The following TWSG1 variants were observed in gnomAD, a reference collection of about 807,000 sequenced individuals.
TWSG1 encodes the protein twisted gastrulation BMP signaling modulator 1, also known as twisted gastrulation protein homolog 1.
Under a neutral mutation model 23.0 loss-of-function variants are expected in TWSG1, and 15 were observed. That is an observed-to-expected ratio of 0.65 (90% confidence interval 0.44 to 1.00). The LOEUF (loss-of-function observed/expected upper bound fraction) is 1.00. Among genes scored for constraint, TWSG1 ranks in the 50% least tolerant of loss-of-function variants. The probability of loss-of-function intolerance (pLI) is 0.00; values close to 1 mark genes in which losing one functional copy is unlikely to be tolerated. For synonymous variants in TWSG1, 86 were observed against 92.8 expected (o/e 0.93, Z 0.42); for missense variants, 242 against 278.7 (o/e 0.87, Z 0.94).
At chr18:9,364,676 C>T (rs2040569276) in intron 3 of TWSG1, among the ~76,000 whole-genome samples, 1 of 151,936 alleles carries the variant, frequency 6.6e-6, no homozygotes, top group Admixed American at 6.6e-5. Context: ...CACCTGTAAT[C>T]CCAGCGACAA....
intron 2 of TWSG1, among the ~76,000 whole-genome samples, chr18:9,354,004 T>C (rs1568032783): frequency 6.6e-6 from 1 of 152,206 alleles, no homozygotes; most frequent in African/African-American, 2.4e-5. Flanking sequence ...TAATAATGCC[T>C]TTGATTAAAC....
chr18:9,334,869 C>G lies in TWSG1; in HGVS notation c.-89C>G, dbSNP rs2040413572. On this transcript the variant is annotated 5_prime_UTR_variant, in exon 1 of 5. Coordinates refer to ENST00000262120, the MANE Select transcript of TWSG1 (RefSeq NM_020648.6). This position sits in a 1 kb window ranked among gnomAD's most constrained non-coding sequence, Gnocchi z 4.7. Reference sequence around the variant, plus strand: ...CCGCCGCAGCGCGCCCCGGGCTCGGCCGACCCGGCGGGGATCTAGGGGTGG... The same window carrying G: ...CCGCCGCAGCGCGCCCCGGGCTCGGGCGACCCGGCGGGGATCTAGGGGTGG... The G allele has an allele frequency of 6.6e-6, 1 of 151,946 alleles. No individual in the cohort carries two copies. Among genetic ancestry groups the G allele is most frequent in the Non-Finnish European group, 1.5e-5 (1 of 68,164 alleles). The allele number at this position is 151,946 out of a possible 1,614,324, so 9.4% of individuals were successfully genotyped here. A position where few individuals can be genotyped will look rare whatever the true frequency, so the allele number is the denominator to read the frequency against.
intron 3 of TWSG1, among the ~76,000 whole-genome samples, chr18:9,395,197 T>TA (rs894354119): frequency 6.6e-6 from 1 of 152,206 alleles, no homozygotes; most frequent in African/African-American, 2.4e-5. Context: ...TGACCAGACT[T>TA]ATGTCACACA....
At chr18:9,398,745 T>G (rs534702682) in intron 4 of TWSG1, among the ~76,000 whole-genome samples, 29 of 152,260 alleles carry the variant, frequency 1.9e-4, no homozygotes, top group Middle Eastern at 3.4e-3. Flanking sequence ...AGGCTTGAGC[T>G]ACCATGCCTG....
chr18:9,389,356 T>G (rs970103523), intron 3 of TWSG1, among the ~76,000 whole-genome samples: 1 of 152,198 alleles, frequency 6.6e-6, no homozygotes, highest in Non-Finnish European at 1.5e-5. Flanking sequence ...ATTATTTGCT[T>G]TTTGATACCA....
intron 2 of TWSG1, among the ~76,000 whole-genome samples, chr18:9,339,435 C>T (rs1288524474): frequency 2.6e-5 from 4 of 152,048 alleles, no homozygotes; most frequent in African/African-American, 9.7e-5. Context: ...CACGTGGCAC[C>T]ATGCCTGGCT....
chr18:9,368,078 C>T (rs1322976334), intron 3 of TWSG1, among the ~76,000 whole-genome samples: 1 of 152,308 alleles, frequency 6.6e-6, no homozygotes, highest in South Asian at 2.1e-4. Flanking sequence ...TACATTCCCA[C>T]CAACAGCATG....
At chr18:9,365,656 G>A (rs1053575521) in intron 3 of TWSG1, among the ~76,000 whole-genome samples, 7 of 151,756 alleles carry the variant, frequency 4.6e-5, no homozygotes, top group Non-Finnish European at 1.0e-4. Context: ...CAGCCTAGGC[G>A]GCAGAGTGAG....
intron 3 of TWSG1, among the ~76,000 whole-genome samples, chr18:9,370,338 C>A (rs1277661483): frequency 6.6e-6 from 1 of 151,654 alleles, no homozygotes. Context: ...AAATTATTGT[C>A]CAGACCAATG....
Position 9,400,092 on chromosome 18 carries a change from C to T in TWSG1, c.*565C>T, listed in dbSNP as rs894017401. ...TTATGTTGGTTTTAAAAGGTAAATG[C>T]TTACCATATTTTATAATTGAGAACT... On this transcript the variant is annotated 3_prime_UTR_variant, in exon 5 of 5. Transcript: ENST00000262120. 1 of 152,294 alleles carries T rather than the reference C, an allele frequency of 6.6e-6. No individual in the cohort carries two copies. Among genetic ancestry groups the T allele is most frequent in the Non-Finnish European group, 1.5e-5 (1 of 68,052 alleles). 9.4% of individuals were successfully genotyped at this position (152,294 alleles called of 1,614,324 possible).
intron 2 of TWSG1, among the ~76,000 whole-genome samples, chr18:9,347,984 A>C (rs753091385): frequency 6.6e-6 from 1 of 151,850 alleles, no homozygotes; most frequent in Non-Finnish European, 1.5e-5. Context: ...ATGTGTCAGG[A>C]TTTCTTCAAA....
At chr18:9,364,333 A>G (rs2040567331) in intron 3 of TWSG1, among the ~76,000 whole-genome samples, 1 of 152,224 alleles carries the variant, frequency 6.6e-6, no homozygotes, top group African/African-American at 2.4e-5. Flanking sequence ...AGTGTACACA[A>G]AGGCAAACAA....
chr18:9,356,631 T>A (rs1317093143), intron 2 of TWSG1, among the ~76,000 whole-genome samples: 1 of 152,164 alleles, frequency 6.6e-6, no homozygotes, highest in African/African-American at 2.4e-5. Context: ...GTTTAGTTAA[T>A]AATATAAATA....
intron 4 of TWSG1, among the ~76,000 whole-genome samples, chr18:9,398,296 A>G (rs1316146557): frequency 6.6e-6 from 1 of 152,224 alleles, no homozygotes; most frequent in African/African-American, 2.4e-5. Flanking sequence ...ATTTAAATTT[A>G]TGAAGCAATT....
At chr18:9,348,937 A>G (rs1353251767) in intron 2 of TWSG1, among the ~76,000 whole-genome samples, 1 of 152,178 alleles carries the variant, frequency 6.6e-6, no homozygotes, top group Non-Finnish European at 1.5e-5. Flanking sequence ...GCTCTTATGT[A>G]AATATTTTTT....
At chr18:9,381,533 C>G (rs1195825173) in intron 3 of TWSG1, among the ~76,000 whole-genome samples, 1 of 152,082 alleles carries the variant, frequency 6.6e-6, no homozygotes, top group Non-Finnish European at 1.5e-5. Context: ...ACTTAAGGTT[C>G]AAGTATTATG....
chr18:9,357,837 G>A (rs901110868), intron 2 of TWSG1, among the ~76,000 whole-genome samples: 1 of 89,916 alleles, frequency 1.1e-5, no homozygotes, highest in Non-Finnish European at 2.9e-5. Flanking sequence ...GGAGGAGCAG[G>A]GAAGGGGGGG....
At chr18:9,399,142 C>T (rs529223506) in intron 4 of TWSG1, among the ~76,000 whole-genome samples, 17 of 152,358 alleles carry the variant, frequency 1.1e-4, no homozygotes, top group African/African-American at 4.1e-4. Context: ...TTGCCTTCTT[C>T]AGATGGAGTG....
chr18:9,386,130 CT>C (rs1420296424), intron 3 of TWSG1, among the ~76,000 whole-genome samples: 1 of 148,942 alleles, frequency 6.7e-6, no homozygotes, highest in East Asian at 2.0e-4. Context: ...GATCGTGCCA[CT>C]GATGCCTGAG....
Sources: gnomAD v4.1 joint callset for allele counts (sites outside exome capture counted in the v4.1 genomes callset) on GRCh38, gnomAD v4.1.1 for gene constraint, Gnocchi (gnomAD v3.1) non-coding constraint, MANE v1.5 for transcripts, NCBI Gene and HGNC (gene_info 2026-07-23, HGNC 2026-07-21) for gene names.